Variants in PARD3B observed in about 807,000 individuals in gnomAD.
The protein encoded by PARD3B is par-3 family cell polarity regulator beta, also known as partitioning defective 3 homolog B.
PARD3B carries 103 observed loss-of-function variants against 130.2 expected under a neutral mutation model. The ratio of observed to expected loss-of-function variants is 0.79; its 90% CI spans 0.67 to 0.93. PARD3B has a LOEUF of 0.93. Among genes scored for constraint, PARD3B ranks in the 40% least tolerant of loss-of-function variants. The probability of loss-of-function intolerance (pLI) is 0.00; values close to 1 mark genes in which losing one functional copy is unlikely to be tolerated. For synonymous variants in PARD3B, 583 were observed against 553.2 expected, an observed-to-expected ratio of 1.05 and a Z score of -0.76; for missense variants, 1,609 against 1,499.2, an observed-to-expected ratio of 1.07 and a Z score of -1.21.
At chr2:205,490,661 G>A (rs1193226195) in intron 20 of PARD3B, among the ~76,000 whole-genome samples, 4 of 152,118 alleles carry the variant, frequency 2.6e-5, no homozygotes, top group Non-Finnish European at 5.9e-5. Context: ...GGTATTTCTA[G>A]TTCTAGATCC....
chr2:204,746,847 G>A (rs1404523152), intron 2 of PARD3B, among the ~76,000 whole-genome samples: 1 of 152,056 alleles, frequency 6.6e-6, no homozygotes, highest in East Asian at 1.9e-4. Flanking sequence ...TTGTAAATTT[G>A]TTTGAGTTCT....
chr2:205,035,790 A>T (rs1697779414), intron 3 of PARD3B, among the ~76,000 whole-genome samples: 1 of 100,416 alleles, frequency 1.0e-5, no homozygotes, highest in South Asian at 3.3e-4. Context: ...GGAGTCAGAG[A>T]TATATCTCAT....
chr2:205,479,040 C>T (rs1055295868), intron 20 of PARD3B, among the ~76,000 whole-genome samples: 1 of 152,126 alleles, frequency 6.6e-6, no homozygotes, highest in African/African-American at 2.4e-5. Context: ...AACTTGTAGA[C>T]GTTTCTTTAA....
chr2:204,785,642 C>T lies in PARD3B; in HGVS notation c.222+99360C>T, dbSNP rs141828929. Among the ~76,000 whole-genome samples, 402 of 152,320 alleles carry T rather than the reference C, an allele frequency of 2.6e-3. 5 individuals are homozygous for T. Among genetic ancestry groups the T allele is most frequent in the African/African-American group, 9.3e-3 (386 of 41,570 alleles). On this transcript the variant is annotated intron_variant, in intron 2 of 22. Coordinates refer to ENST00000406610, the MANE Select transcript of PARD3B (RefSeq NM_001302769.2). ...TAGTCCCCTTATCTAGGCCACTGGA[C>T]TGCTTTTCATCCATTATTTTATCCC... is the stretch of plus-strand genomic sequence containing the variant.
intron 15 of PARD3B, among the ~76,000 whole-genome samples, chr2:205,240,066 G>T (rs2039283405): frequency 6.6e-6 from 1 of 152,036 alleles, no homozygotes; most frequent in Admixed American, 6.6e-5. Flanking sequence ...ATGCCAAATT[G>T]TCATTGACAT....
chr2:204,704,475 C>T (rs747253756), intron 2 of PARD3B, among the ~76,000 whole-genome samples: 3 of 152,060 alleles, frequency 2.0e-5, no homozygotes, highest in Non-Finnish European at 2.9e-5. Context: ...CAAATATAAA[C>T]AATCTTCATA....
chr2:204,758,429 A>G (rs1481977667), intron 2 of PARD3B, among the ~76,000 whole-genome samples: 20 of 152,136 alleles, frequency 1.3e-4, no homozygotes, highest in Admixed American at 1.3e-3. Flanking sequence ...AACCTGAAGG[A>G]CATTCTATCT....
intron 2 of PARD3B, among the ~76,000 whole-genome samples, chr2:204,912,562 A>G (rs931622485): frequency 6.6e-6 from 1 of 152,192 alleles, no homozygotes; most frequent in African/African-American, 2.4e-5. Context: ...CAGATTTTAA[A>G]TGCATTTCAA....
chr2:204,760,977 C>A (rs1176381110), intron 2 of PARD3B, among the ~76,000 whole-genome samples: 1 of 152,082 alleles, frequency 6.6e-6, no homozygotes, highest in Admixed American at 6.6e-5. Flanking sequence ...TTTCTATATG[C>A]CAGTATTTGC....
intron 15 of PARD3B, among the ~76,000 whole-genome samples, chr2:205,238,603 G>A (rs918478681): frequency 1.3e-5 from 2 of 151,500 alleles, no homozygotes; most frequent in East Asian, 1.9e-4. Flanking sequence ...AGGCTGAGGC[G>A]GGTGTATCAC....
intron 14 of PARD3B, among the ~76,000 whole-genome samples, chr2:205,186,428 T>C (rs761778904): frequency 1.3e-5 from 2 of 152,180 alleles, no homozygotes; most frequent in Non-Finnish European, 2.9e-5. Flanking sequence ...TACATACTAT[T>C]TGACAAGGGG....
At chr2:204,824,851 C>T (rs1345803913) in intron 2 of PARD3B, among the ~76,000 whole-genome samples, 1 of 152,082 alleles carries the variant, frequency 6.6e-6, no homozygotes, top group Non-Finnish European at 1.5e-5. Context: ...AGACGCTGGC[C>T]CACCTAAGGG....
rs572242003 is a variant in PARD3B at position 205,516,023 on chromosome 2, T to C, written c.3180+15992T>C. On this transcript the variant is annotated intron_variant, in intron 21 of 22. Coordinates refer to ENST00000406610, the MANE Select transcript of PARD3B (RefSeq NM_001302769.2). ...CAGTCTTCTGCATATGGCTAGCTAG[T>C]TATCCCAGCACCATTTATTGAAGAG... Among the ~76,000 whole-genome samples, 9 of 152,310 alleles carry C rather than the reference T, an allele frequency of 5.9e-5. No individual in the cohort carries two copies. In the South Asian group the frequency reaches 1.9e-3, roughly 32 times the overall value.
intron 15 of PARD3B, 60 bp downstream of exon 15, chr2:205,193,380 C>A: frequency 7.7e-7 from 1 of 1,293,128 alleles, no homozygotes; most frequent in Non-Finnish European, 1.1e-6. Context: ...TTTATCTTCC[C>A]AAATGTCCTG....
chr2:205,214,906 T>C (rs1451280163), intron 15 of PARD3B, among the ~76,000 whole-genome samples: 1 of 152,100 alleles, frequency 6.6e-6, no homozygotes. Context: ...AATTTAGAGA[T>C]GTTGTTATAT....
intron 1 of PARD3B, among the ~76,000 whole-genome samples, chr2:204,583,741 T>C (rs1024777021): frequency 6.6e-6 from 1 of 152,078 alleles, no homozygotes; most frequent in Non-Finnish European, 1.5e-5. Context: ...AAGAGATTCC[T>C]GGCCCACTAC....
At chr2:205,317,142 A>T (rs1421627387) in intron 18 of PARD3B, among the ~76,000 whole-genome samples, 1 of 152,190 alleles carries the variant, frequency 6.6e-6, no homozygotes, top group Non-Finnish European at 1.5e-5. Flanking sequence ...TACATAAATG[A>T]TGGTTAAACC....
intron 20 of PARD3B, among the ~76,000 whole-genome samples, chr2:205,488,335 T>C (rs2106310797): frequency 6.6e-6 from 1 of 152,192 alleles, no homozygotes; most frequent in South Asian, 2.1e-4. Flanking sequence ...CCTACATCCC[T>C]TGCATGCGTG....
In PARD3B at chr2:204,849,764, T is replaced by C. The variant is rs1045517066; in HGVS notation, c.223-115388T>C. Among the ~76,000 whole-genome samples the C allele has an allele frequency of 2.0e-5, 3 of 152,344 alleles. No individual in the cohort carries two copies. In the East Asian group the frequency reaches 5.8e-4, roughly 29 times the overall value. On this transcript the variant is annotated intron_variant, in intron 2 of 22. Coordinates refer to ENST00000406610, the MANE Select transcript of PARD3B (RefSeq NM_001302769.2). ...CTTCCTTTCTAAATTTGTTAGTGTATTCTTACTCATGACTAGAGCTTATGT... is the reference window on the plus strand; with the variant it reads ...CTTCCTTTCTAAATTTGTTAGTGTACTCTTACTCATGACTAGAGCTTATGT...
Sources: gnomAD v4.1 joint callset for allele counts (sites outside exome capture counted in the v4.1 genomes callset) on GRCh38, gnomAD v4.1.1 for gene constraint, MANE v1.5 for transcripts, NCBI Gene and HGNC (gene_info 2026-07-23, HGNC 2026-07-21) for gene names.